CSMD3: variants seen among roughly 807,000 people sequenced by gnomAD.
CSMD3 encodes CUB and sushi domain-containing protein 3.
A neutral mutation model predicts 435.2 loss-of-function variants in CSMD3; 177 were observed. The ratio of observed to expected loss-of-function variants is 0.41; its 90% CI spans 0.36 to 0.46. The LOEUF is 0.46. Among genes scored for constraint, CSMD3 ranks in the 20% least tolerant of loss-of-function variants. The pLI, the probability that CSMD3 is intolerant of heterozygous loss-of-function variation, is 0.34. For synonymous variants in CSMD3, 1,656 were observed against 1,520.5 expected (o/e 1.09, Z -2.07); for missense variants, 4,265 against 4,504.6 (o/e 0.95, Z 1.52).
In CSMD3 at chr8:112,287,204, T is replaced by C. The variant is rs1819291561; in HGVS notation, c.9191A>G (p.His3064Arg). The C allele has an allele frequency of 1.9e-6, 3 of 1,613,764 alleles. No individual in the cohort carries two copies. The highest frequency in any genetic ancestry group is 1.7e-4 in the Middle Eastern group (1 of 6,060). Residue 3064 changes from histidine (H) to arginine (R), a missense_variant, in exon 58 of 71, where the codon CAT becomes CGT. Transcript: ENST00000297405. The stretch of plus-strand genomic sequence containing the variant: ...GAAATTGCTTTCCTGTCTAGAGCCA[T>C]GGCCGGGAGTACCTGGATCGCCACA... ...GTCGDPGTPG[H>R]GSRQESNFRT...
chr8:113,123,667 T>TC (rs1341810357), intron 4 of CSMD3, among the ~76,000 whole-genome samples: 2 of 152,014 alleles, frequency 1.3e-5, no homozygotes, highest in Non-Finnish European at 2.9e-5. Context: ...GTCCTGAGCA[T>TC]CAGGAATAAA....
At chr8:113,194,734 C>T (rs188517069) in intron 3 of CSMD3, among the ~76,000 whole-genome samples, 12 of 150,966 alleles carry the variant, frequency 7.9e-5, no homozygotes, top group East Asian at 3.9e-4. Flanking sequence ...TTAAATTTTT[C>T]GAAAAAACCC....
intron 2 of CSMD3, among the ~76,000 whole-genome samples, chr8:113,289,690 C>A (rs1398016120): frequency 6.6e-6 from 1 of 151,628 alleles, no homozygotes; most frequent in Non-Finnish European, 1.5e-5. Context: ...TCAAAGATAT[C>A]TATCAGAAAG....
At chr8:112,335,575 C>A in intron 44 of CSMD3, 101 bp from the exon 45 acceptor site, 1 of 1,028,126 alleles carries the variant, frequency 9.7e-7, no homozygotes, top group Non-Finnish European at 1.5e-6. Context: ...TATATTCTAA[C>A]GTATCAATAA....
At chr8:112,534,855 G>C (rs1825901878) in intron 27 of CSMD3, among the ~76,000 whole-genome samples, 1 of 152,116 alleles carries the variant, frequency 6.6e-6, no homozygotes, top group Non-Finnish European at 1.5e-5. Flanking sequence ...CTTCATCCCT[G>C]GGATGCAAGG....
chr8:112,796,687 A>T (rs2132314241), intron 13 of CSMD3, among the ~76,000 whole-genome samples: 1 of 149,614 alleles, frequency 6.7e-6, no homozygotes, highest in East Asian at 2.0e-4. Flanking sequence ...ACAACAAAAC[A>T]AAACTAATGT....
intron 5 of CSMD3, among the ~76,000 whole-genome samples, chr8:113,097,958 C>T (rs771807230): frequency 6.6e-6 from 1 of 151,926 alleles, no homozygotes; most frequent in Non-Finnish European, 1.5e-5. Flanking sequence ...TTCCAGCTAC[C>T]GTGATCTTTT....
intron 35 of CSMD3, among the ~76,000 whole-genome samples, chr8:112,393,046 A>G (rs1332201259): frequency 6.6e-6 from 1 of 151,838 alleles, no homozygotes; most frequent in African/African-American, 2.4e-5. Flanking sequence ...GTGTACAGAT[A>G]TTCAGCTAAT....
intron 10 of CSMD3, among the ~76,000 whole-genome samples, chr8:112,894,298 C>T (rs1044810222): frequency 1.3e-5 from 2 of 151,394 alleles, no homozygotes; most frequent in African/African-American, 4.8e-5. Context: ...GATGCAAGCT[C>T]TGAAGTGAAG....
chr8:113,163,860 G>C (rs1779028023), intron 4 of CSMD3, among the ~76,000 whole-genome samples: 1 of 151,896 alleles, frequency 6.6e-6, no homozygotes, highest in Admixed American at 6.6e-5. Flanking sequence ...CAAAGGCATT[G>C]TTTATATGTC....
At chr8:112,958,944 G>C (rs1232704302) in intron 7 of CSMD3, among the ~76,000 whole-genome samples, 1 of 152,058 alleles carries the variant, frequency 6.6e-6, no homozygotes, top group African/African-American at 2.4e-5. Context: ...GTACAAGTTG[G>C]AGATTTGGAA....
chr8:113,289,730 A>G (rs867578902), intron 2 of CSMD3, among the ~76,000 whole-genome samples: 1 of 151,736 alleles, frequency 6.6e-6, no homozygotes, highest in African/African-American at 2.4e-5. Flanking sequence ...TGTTAATTTT[A>G]CTGTATTTCT....
intron 35 of CSMD3, among the ~76,000 whole-genome samples, chr8:112,404,064 TG>T (rs1831558513): frequency 6.6e-6 from 1 of 152,042 alleles, no homozygotes; most frequent in African/African-American, 2.4e-5. Flanking sequence ...TTTTTGGGGT[TG>T]GGGTGGGAGT....
At chr8:113,212,270 T>C (rs2092845502) in intron 3 of CSMD3, among the ~76,000 whole-genome samples, 3 of 152,164 alleles carry the variant, frequency 2.0e-5, no homozygotes, top group Admixed American at 1.3e-4. Flanking sequence ...TAAAATCTGC[T>C]GTGGTGAGGA....
chr8:113,319,510 G>T (rs1210141295), intron 1 of CSMD3, among the ~76,000 whole-genome samples: 1 of 151,856 alleles, frequency 6.6e-6, no homozygotes, highest in Non-Finnish European at 1.5e-5. Flanking sequence ...CCCATAAATT[G>T]CCTATTATTT....
rs551113725 is a variant in CSMD3, at chr8:112,368,173, T to A, written c.6136+12179A>T. ...CATTCTCATATCTATCTTTAAATTC[T>A]TATTTGCCAGAAGGAATTCTTTTGA... On this transcript the variant is annotated intron_variant, in intron 38 of 70. Transcript: ENST00000297405. Among the ~76,000 whole-genome samples the A allele has an allele frequency of 1.2e-4, 18 of 152,270 alleles. No individual in the cohort carries two copies. The East Asian group carries it at 3.5e-3, about 29-fold the overall frequency.
At chr8:112,877,257 A>G (rs913164108) in intron 10 of CSMD3, among the ~76,000 whole-genome samples, 3 of 151,336 alleles carry the variant, frequency 2.0e-5, no homozygotes, top group African/African-American at 7.3e-5. Context: ...AAAAAAAACT[A>G]CTTTAAATTT....
chr8:112,377,691 T>C (rs1225063838), intron 38 of CSMD3, among the ~76,000 whole-genome samples: 2 of 151,928 alleles, frequency 1.3e-5, no homozygotes, highest in Non-Finnish European at 2.9e-5. Context: ...AATGGCCAAA[T>C]GTATAGAAAT....
chr8:112,237,475 C>A (rs1049791884), intron 66 of CSMD3, 127 bp from the exon 67 acceptor site: 6 of 717,594 alleles, frequency 8.4e-6, no homozygotes, highest in South Asian at 1.6e-5. Context: ...ATGTGTGTTA[C>A]AAAATTAATT....
Sources: gnomAD v4.1 joint callset for allele counts (sites outside exome capture counted in the v4.1 genomes callset) on GRCh38, gnomAD v4.1.1 for gene constraint, MANE v1.5 for transcripts, NCBI Gene and HGNC (gene_info 2026-07-23, HGNC 2026-07-21) for gene names.